COG5: variants seen among roughly 807,000 people sequenced by gnomAD.
COG5 encodes the protein conserved oligomeric Golgi complex subunit 5.
In COG5, 86 loss-of-function variants were observed where a neutral mutation model predicts 110.4. The ratio of observed to expected loss-of-function variants is 0.78; its 90% CI spans 0.65 to 0.93. The LOEUF is 0.93. Ranked by LOEUF, COG5 falls within the 40% of genes least tolerant of loss-of-function variation. The pLI is 0.00. For missense variants in COG5, 1,077 were observed against 987.0 expected (o/e 1.09, Z -1.22); for synonymous variants, 360 against 334.6 (o/e 1.08, Z -0.83).
chr7:107,354,904 TTAC>T (rs764251155), intron 10 of COG5, among the ~76,000 whole-genome samples: 4 of 152,184 alleles, frequency 2.6e-5, no homozygotes, highest in Non-Finnish European at 5.9e-5. Flanking sequence ...AAATTCTTAA[TTAC>T]TACATTGTCC....
intron 8 of COG5, among the ~76,000 whole-genome samples, chr7:107,371,778 A>G (rs1814189203): frequency 6.6e-6 from 1 of 152,128 alleles, no homozygotes; most frequent in Non-Finnish European, 1.5e-5. Context: ...AACATTGTCA[A>G]CCTGGTAGAA....
At chr7:107,333,711 T>G (rs996474573) in intron 10 of COG5, among the ~76,000 whole-genome samples, 3 of 152,136 alleles carry the variant, frequency 2.0e-5, no homozygotes, top group Non-Finnish European at 2.9e-5. Flanking sequence ...AAATATGATG[T>G]TTCTATTATT....
chr7:107,408,887 C>T (rs754387401), intron 7 of COG5, among the ~76,000 whole-genome samples: 15 of 152,140 alleles, frequency 9.9e-5, no homozygotes, highest in Non-Finnish European at 2.1e-4. Context: ...TTCAGTAGTT[C>T]TGAGAGGCTC....
At chr7:107,361,113 T>A (rs745813737) in intron 10 of COG5, among the ~76,000 whole-genome samples, 5 of 152,162 alleles carry the variant, frequency 3.3e-5, no homozygotes, top group Non-Finnish European at 7.4e-5. Flanking sequence ...CACTAGAAAC[T>A]CAGGAAACTT....
chr7:107,209,853 C>G (rs1217889364), intron 21 of COG5: 1 of 985,524 alleles, frequency 1.0e-6, no homozygotes, highest in East Asian at 1.1e-4. Context: ...GTAGCTAAAG[C>G]TACAGAGTGG....
chr7:107,475,165 T>C, intron 6 of COG5: 1 of 1,610,450 alleles, frequency 6.2e-7, no homozygotes, highest in Non-Finnish European at 8.5e-7. Context: ...ATTATATGCA[T>C]TCACTAGACA....
rs556746099 is a variant in COG5 at position 107,324,415 on chromosome 7, T to C, written c.1108+25A>G. The C allele has an allele frequency of 5.0e-6, 7 of 1,398,282 alleles. No homozygotes were observed. In the South Asian group the frequency reaches 8.5e-5, roughly 17 times the overall value. 86.6% of individuals were successfully genotyped at this position (1,398,282 alleles called of 1,614,324 possible). On this transcript the variant is annotated intron_variant, in intron 11 of 21. Coordinates refer to ENST00000297135, the MANE Select transcript of COG5 (RefSeq NM_006348.5). ...AAATAACTTAAAACTTTGAAATTAA[T>C]TTTCAAAATAAGTAGTAAACTTACA...
intron 6 of COG5, among the ~76,000 whole-genome samples, chr7:107,468,324 G>A (rs1796424050): frequency 6.6e-6 from 1 of 152,088 alleles, no homozygotes; most frequent in Admixed American, 6.6e-5. Flanking sequence ...AAAGCACTCT[G>A]CTGTGTTAAT....
chr7:107,482,304 A>G (rs555540204), intron 6 of COG5, among the ~76,000 whole-genome samples: 199 of 151,560 alleles, frequency 1.3e-3, no homozygotes, highest in Non-Finnish European at 2.2e-3. Flanking sequence ...CACCATACCC[A>G]GCTAATTAAA....
At chr7:107,389,163 C>G (rs1790437737) in intron 7 of COG5, among the ~76,000 whole-genome samples, 2 of 152,144 alleles carry the variant, frequency 1.3e-5, no homozygotes, top group Admixed American at 6.5e-5. Context: ...ACACCCGCTT[C>G]CCAGCCTATA....
chr7:107,472,463 C>T (rs553301004), intron 6 of COG5: 3 of 152,106 alleles, frequency 2.0e-5, no homozygotes, highest in Admixed American at 2.0e-4. Flanking sequence ...CAGAATCTTG[C>T]TCTAGAGAAA....
At chr7:107,399,886 G>C (rs1584774531) in intron 7 of COG5, among the ~76,000 whole-genome samples, 1 of 152,094 alleles carries the variant, frequency 6.6e-6, no homozygotes, top group African/African-American at 2.4e-5. Context: ...CCACTAAAAT[G>C]GCTAAAATTA....
At chr7:107,454,132 T>A (rs1430780862) in intron 6 of COG5, among the ~76,000 whole-genome samples, 1 of 151,616 alleles carries the variant, frequency 6.6e-6, no homozygotes, top group Non-Finnish European at 1.5e-5. Context: ...TGTATATAAT[T>A]GAAAAATAAT....
intron 5 of COG5, among the ~76,000 whole-genome samples, chr7:107,531,405 C>T (rs1389418924): frequency 6.6e-6 from 1 of 152,014 alleles, no homozygotes; most frequent in Non-Finnish European, 1.5e-5. Context: ...TGTCAAAATC[C>T]ACTGAAACAT....
rs148092989 is a variant in COG5 at position 107,313,649 on chromosome 7, C to G, written c.1108+10791G>C. On this transcript the variant is annotated intron_variant, in intron 11 of 21. Transcript: ENST00000297135. ...CTGCATTCCTTGGTTTGTGGCCCCC[C>G]TTCAAGCAATTATATTACTCCTACC... is the stretch of plus-strand genomic sequence containing the variant. Among the ~76,000 whole-genome samples, 522 of 152,198 alleles carry G rather than the reference C, an allele frequency of 3.4e-3. 1 individual carries two copies. The highest frequency in any genetic ancestry group is 3.3e-3 in the Non-Finnish European group (222 of 68,002).
At chr7:107,426,756 G>A (rs1793668765) in intron 6 of COG5, among the ~76,000 whole-genome samples, 1 of 152,110 alleles carries the variant, frequency 6.6e-6, no homozygotes, top group Non-Finnish European at 1.5e-5. Context: ...TGCTAGAATG[G>A]CCCCATAGTG....
chr7:107,511,344 G>A (rs1209674872), intron 6 of COG5, among the ~76,000 whole-genome samples: 1 of 152,120 alleles, frequency 6.6e-6, no homozygotes, highest in Non-Finnish European at 1.5e-5. Context: ...GACTAAAACA[G>A]GAAGAAGTTG....
At chr7:107,285,883 C>T (rs1467401903) in intron 12 of COG5, among the ~76,000 whole-genome samples, 3 of 150,380 alleles carry the variant, frequency 2.0e-5, no homozygotes, top group Non-Finnish European at 4.4e-5. Flanking sequence ...AAAAAAAATT[C>T]CCTGTCTTCT....
chr7:107,474,857 A>G lies in COG5; in HGVS notation c.538+52380T>C. The G allele has an allele frequency of 6.2e-7, 1 of 1,613,136 alleles. No homozygotes were observed. The highest frequency in any genetic ancestry group is 8.5e-7 in the Non-Finnish European group (1 of 1,179,452). ...AAGACAATTTCTCTAACCACACAACATGAGGCTACAGACATGTCACAAAGC... is the reference window on the plus strand; with the variant it reads ...AAGACAATTTCTCTAACCACACAACGTGAGGCTACAGACATGTCACAAAGC... On this transcript the variant is annotated intron_variant, in intron 6 of 21. Coordinates refer to ENST00000297135, the MANE Select transcript of COG5 (RefSeq NM_006348.5). The surrounding 1 kb of genome is among the most constrained non-coding windows in gnomAD (Gnocchi z 5.7).
Sources: allele counts gnomAD v4.1 joint callset (sites outside exome capture counted in the v4.1 genomes callset), GRCh38; gene constraint gnomAD v4.1.1; non-coding constraint Gnocchi (gnomAD v3.1); transcripts MANE v1.5; gene names NCBI Gene and HGNC (gene_info 2026-07-23, HGNC 2026-07-21).